Variants in ROS1 observed in about 807,000 individuals in gnomAD.
ROS1 encodes ROS proto-oncogene 1, receptor tyrosine kinase, also known as proto-oncogene tyrosine-protein kinase ROS.
A neutral mutation model predicts 273.5 loss-of-function variants in ROS1; 263 were observed. The ratio of observed to expected loss-of-function variants is 0.96; its 90% confidence interval spans 0.87 to 1.06. The LOEUF is 1.06. Ranked by LOEUF, ROS1 falls within the 50% of genes least tolerant of loss-of-function variation. ROS1 has a pLI of 0.00. For synonymous variants in ROS1, 1,008 were observed against 954.1 expected (o/e 1.06, Z -1.04); for missense variants, 2,833 against 2,751.1 (o/e 1.03, Z -0.67).
chr6:117,359,768 C>T, intron 24 of ROS1, 41 bp downstream of exon 24: 3 of 1,531,052 alleles, frequency 2.0e-6, no homozygotes, highest in Non-Finnish European at 1.8e-6. Flanking sequence ...TATGCAAATA[C>T]TTCACTTCCT....
At chr6:117,391,162 T>C (rs186204369) in intron 12 of ROS1, among the ~76,000 whole-genome samples, 1 of 152,354 alleles carries the variant, frequency 6.6e-6, no homozygotes, top group East Asian at 1.9e-4. Flanking sequence ...TAGAATAATA[T>C]CCTGAGATAT....
At chr6:117,350,994 A>G (rs1333744836) in intron 27 of ROS1, among the ~76,000 whole-genome samples, 1 of 152,168 alleles carries the variant, frequency 6.6e-6, no homozygotes, top group Non-Finnish European at 1.5e-5. Flanking sequence ...AATGATTGTG[A>G]TAGTTCCTCT....
chr6:117,346,926 G>C (rs1371631856), intron 27 of ROS1, among the ~76,000 whole-genome samples: 1 of 151,900 alleles, frequency 6.6e-6, no homozygotes, highest in African/African-American at 2.4e-5. Context: ...CAGCCTTCTC[G>C]CAACTAGTGA....
chr6:117,341,256 A>G lies in ROS1; in HGVS notation c.4940T>C (p.Val1647Ala), dbSNP rs1472359289. The G allele has an allele frequency of 6.2e-7, 1 of 1,613,630 alleles. No individual in the cohort carries two copies. Among genetic ancestry groups the G allele is most frequent in the Non-Finnish European group, 8.5e-7 (1 of 1,179,744 alleles). Residue 1647 changes from valine (V) to alanine (A), a missense_variant, in exon 31 of 44, where the codon GTG becomes GCG. By Grantham distance (64) the Val-to-Ala change is moderately conservative (BLOSUM62 0). Coordinates refer to ENST00000368507, the MANE Select transcript of ROS1 (RefSeq NM_001378902.1). ...MWCTESHPVT[V>A]EMFNTPEKPY... ...TTTCTCTGGTGTGTTAAACATTTCC[A>G]CAGTGACAGGATGACTCTCTGTACA...
intron 25 of ROS1, 49 bp downstream of exon 25, chr6:117,357,755 G>T: frequency 1.6e-6 from 2 of 1,243,950 alleles, no homozygotes; most frequent in Non-Finnish European, 2.3e-6. Flanking sequence ...CATTAAATAT[G>T]TCTATATCTA....
chr6:117,420,198 C>T (rs35874725), intron 1 of ROS1, among the ~76,000 whole-genome samples: 8,346 of 151,820 alleles, frequency 0.055, 271 homozygotes, highest in Middle Eastern at 0.092. Context: ...TGCTCTTAAC[C>T]GGATGCCTTC....
At chr6:117,390,234 C>T (rs375524027) in intron 12 of ROS1, among the ~76,000 whole-genome samples, 32 of 152,164 alleles carry the variant, frequency 2.1e-4, no homozygotes, top group African/African-American at 7.7e-4. Flanking sequence ...TCAGGTGATC[C>T]TCCCACACCT....
Position 117,416,324 on chromosome 6 carries a change from G to A in ROS1, c.169-7C>T. On this transcript the variant is annotated splice_region_variant and splice_polypyrimidine_tract_variant and intron_variant, in intron 2 of 43. Coordinates refer to ENST00000368507, the MANE Select transcript of ROS1 (RefSeq NM_001378902.1). ...AGTGACATCCTTGGATACACTGCAA[G>A]AGACAATAACAGACAATGGTGAGTG... 1 of 1,590,354 alleles carries A rather than the reference G, an allele frequency of 6.3e-7. No individual in the cohort carries two copies. Among genetic ancestry groups the A allele is most frequent in the Non-Finnish European group, 8.6e-7 (1 of 1,158,522 alleles).
intron 32 of ROS1, among the ~76,000 whole-genome samples, 191 bp downstream of exon 32, chr6:117,336,981 C>T (rs1438188512): frequency 6.6e-6 from 1 of 152,062 alleles, no homozygotes; most frequent in Admixed American, 6.6e-5. Context: ...TCCAGCCAGA[C>T]CCAGCCAGTA....
At chr6:117,375,981 A>T (rs922775857) in intron 18 of ROS1, among the ~76,000 whole-genome samples, 37 of 152,018 alleles carry the variant, frequency 2.4e-4, no homozygotes, top group African/African-American at 8.9e-4. Flanking sequence ...TTTCTTTTCA[A>T]TCTAAAAAGC....
chr6:117,406,678 A>C (rs2128730135), intron 5 of ROS1, among the ~76,000 whole-genome samples: 1 of 152,284 alleles, frequency 6.6e-6, no homozygotes, highest in Admixed American at 6.5e-5. Context: ...GGTTCCCTGA[A>C]CCAAAAGAAT....
chr6:117,341,724 T>C (rs1777944525), intron 29 of ROS1, 92 bp from the exon 30 acceptor site: 4 of 875,376 alleles, frequency 4.6e-6, no homozygotes, highest in Middle Eastern at 2.9e-4. Context: ...AGTAATCATG[T>C]GGTATGAGCA....
intron 5 of ROS1, 47 bp from the exon 6 acceptor site, chr6:117,404,475 G>T: frequency 6.4e-7 from 1 of 1,571,486 alleles, no homozygotes; most frequent in Non-Finnish European, 8.7e-7. Context: ...CTGTCCATCA[G>T]CGCAAGAGAG....
intron 18 of ROS1, among the ~76,000 whole-genome samples, chr6:117,368,420 G>A (rs781233707): frequency 2.6e-5 from 4 of 152,134 alleles, no homozygotes; most frequent in African/African-American, 4.8e-5. Context: ...GGGAATGGAT[G>A]TACATAGGAG....
intron 32 of ROS1, among the ~76,000 whole-genome samples, chr6:117,334,880 TA>T (rs1269781945): frequency 6.6e-5 from 10 of 152,058 alleles, no homozygotes; most frequent in Non-Finnish European, 1.2e-4. Context: ...ACCAAAACCA[TA>T]AAAACCCTAG....
intron 43 of ROS1, among the ~76,000 whole-genome samples, chr6:117,297,711 C>A (rs1224380987): frequency 6.6e-6 from 1 of 151,964 alleles, no homozygotes; most frequent in Non-Finnish European, 1.5e-5. Flanking sequence ...ACTAAAAAGT[C>A]AAAAATAATA....
At chr6:117,313,389 G>A (rs1054753266) in intron 39 of ROS1, among the ~76,000 whole-genome samples, 28 of 152,012 alleles carry the variant, frequency 1.8e-4, no homozygotes, top group Non-Finnish European at 5.9e-5. Context: ...CCAACATGGT[G>A]AAATTTTGTC....
intron 6 of ROS1, 47 bp from the exon 7 acceptor site, chr6:117,403,324 C>T: frequency 6.4e-7 from 1 of 1,572,498 alleles, no homozygotes; most frequent in Non-Finnish European, 8.6e-7. Flanking sequence ...ATCAGCACCC[C>T]ACATTGGGAC....
intron 18 of ROS1, among the ~76,000 whole-genome samples, chr6:117,367,001 TAAGA>T (rs1780311557): frequency 6.6e-6 from 1 of 152,120 alleles, no homozygotes. Context: ...TGCATTAGCA[TAAGA>T]AAGACATGAG....
Sources: allele counts gnomAD v4.1 joint callset (sites outside exome capture counted in the v4.1 genomes callset), GRCh38; gene constraint gnomAD v4.1.1; transcripts MANE v1.5; gene names NCBI Gene and HGNC (gene_info 2026-07-23, HGNC 2026-07-21).